Variants in CCN3 observed in about 807,000 individuals in gnomAD.
CCN3 encodes CCN family member 3.
A neutral mutation model predicts 33.4 loss-of-function variants in CCN3; 20 were observed. That is an observed-to-expected ratio of 0.60 (90% CI 0.42 to 0.87). CCN3 has a LOEUF of 0.87. Ranked by LOEUF, CCN3 falls within the 40% of genes least tolerant of loss-of-function variation. The probability of loss-of-function intolerance (pLI) is 0.00; values close to 1 mark genes in which losing one functional copy is unlikely to be tolerated. For synonymous variants in CCN3, 205 were observed against 170.4 expected, an observed-to-expected ratio of 1.20 and a Z score of -1.58; for missense variants, 465 against 455.3, an observed-to-expected ratio of 1.02 and a Z score of -0.19.
intron 3 of CCN3, 65 bp downstream of exon 3, chr8:119,418,374 C>T: frequency 6.4e-7 from 1 of 1,558,016 alleles, no homozygotes; most frequent in Non-Finnish European, 8.7e-7. Context: ...GAAGAATTTG[C>T]AATCTCTTGG....
chr8:119,423,647 C>T lies in CCN3; in HGVS notation c.*515C>T, dbSNP rs566178584. The T allele has an allele frequency of 9.5e-4, 146 of 153,184 alleles. No homozygotes were observed. Among genetic ancestry groups the T allele is most frequent in the Non-Finnish European group, 1.9e-3 (128 of 68,680 alleles). The allele number at this position is 153,184 out of a possible 1,614,324, so 9.5% of individuals were successfully genotyped here. ...CTTCCAAGCTCCAAATCCAAGGAAA[C>T]ATGCAGCTCTTCAACATGACATCCA... On this transcript the variant is annotated 3_prime_UTR_variant, in exon 5 of 5. Transcript: ENST00000259526.
At chr8:119,418,950 T>C (rs1820088456) in intron 3 of CCN3, among the ~76,000 whole-genome samples, 181 bp from the exon 4 acceptor site, 1 of 152,242 alleles carries the variant, frequency 6.6e-6, no homozygotes, top group Non-Finnish European at 1.5e-5. Context: ...AGGGCAGACA[T>C]TATCAGCCAT....
In CCN3 at chr8:119,418,306, G is replaced by A. The variant is rs764102541; in HGVS notation, c.559G>A (p.Ala187Thr). ...EEDSLGGLTL[A>T]AYRPEATLGV... ...GGATTCACTGGGAGGCCTTACCCTT[G>A]CAGGTGAGAAACTCAATATACCTAG... The change falls in exon 3 of 5, where the codon GCA becomes ACA. Residue 187 changes from alanine (A) to threonine (T), a missense_variant. Ala to Thr is a moderately conservative substitution (Grantham distance 58, BLOSUM62 0). Coordinates refer to ENST00000259526, the MANE Select transcript of CCN3 (RefSeq NM_002514.4). 1.2e-6 allele frequency: 2 copies of A among 1,613,968 alleles called. No homozygotes were observed. The highest frequency in any genetic ancestry group is 1.1e-5 in the South Asian group (1 of 91,060).
At chr8:119,420,148 C>T (rs1200849567) in intron 4 of CCN3, 1 of 152,166 alleles carries the variant, frequency 6.6e-6, no homozygotes, top group Admixed American at 6.5e-5. Flanking sequence ...ATTTACATAT[C>T]TTGACACTGA....
Position 119,423,118 on chromosome 8 carries a change from A to G in CCN3, c.1060A>G (p.Arg354Gly). The G allele has an allele frequency of 6.2e-7, 1 of 1,612,998 alleles. No individual in the cohort carries two copies. The highest frequency in any genetic ancestry group is 1.1e-5 in the South Asian group (1 of 91,042). Residue 354 changes from arginine to glycine, a missense_variant, in exon 5 of 5, where the codon AGA becomes GGA. Coordinates refer to ENST00000259526, the MANE Select transcript of CCN3 (RefSeq NM_002514.4). ...CCAGGAGCTGGAGCTGAAGACTACC[A>G]GAGGGAAAATGTAACCTGTCACTCA... ...FLQELELKTT[R>G]GKM
Position 119,423,767 on chromosome 8 carries a change from T to C in CCN3, c.*635T>C, listed in dbSNP as rs1820159206. 1 of 152,224 alleles carries C rather than the reference T, an allele frequency of 6.6e-6. No individual in the cohort carries two copies. Among genetic ancestry groups the C allele is most frequent in the Non-Finnish European group, 1.5e-5 (1 of 68,050 alleles). The allele number at this position is 152,224 out of a possible 1,614,324, so 9.4% of individuals were successfully genotyped here. On this transcript the variant is annotated 3_prime_UTR_variant, in exon 5 of 5. Coordinates refer to ENST00000259526, the MANE Select transcript of CCN3 (RefSeq NM_002514.4). ...TACTAAGTGGACTGGTGTCATAAAC[T>C]TTCTCCATTTAAGACACATTGACTC...
At chr8:119,420,157 G>A (rs1820103944) in intron 4 of CCN3, 1 of 152,130 alleles carries the variant, frequency 6.6e-6, no homozygotes, top group African/African-American at 2.4e-5. Context: ...TCTTGACACT[G>A]AAGCAATATC....
chr8:119,416,700 T>C (rs765187498), intron 1 of CCN3, 44 bp from the exon 2 acceptor site: 1 of 1,578,622 alleles, frequency 6.3e-7, no homozygotes. Context: ...CACTGCGTCT[T>C]CTGTCCCAGC....
chr8:119,422,176 G>C (rs959679404), intron 4 of CCN3, among the ~76,000 whole-genome samples: 4 of 151,948 alleles, frequency 2.6e-5, no homozygotes, highest in Non-Finnish European at 5.9e-5. Context: ...GAGAGAAAGA[G>C]AGAGAGAAAG....
At chr8:119,420,346 A>G (rs1201135933) in intron 4 of CCN3, among the ~76,000 whole-genome samples, 1 of 152,212 alleles carries the variant, frequency 6.6e-6, no homozygotes, top group Admixed American at 6.5e-5. Flanking sequence ...GATTACATAG[A>G]ATGAATTTGC....
chr8:119,422,191 A>AG (rs1820134427), intron 4 of CCN3, among the ~76,000 whole-genome samples: 3 of 151,520 alleles, frequency 2.0e-5, no homozygotes, highest in Non-Finnish European at 3.0e-5. Flanking sequence ...AGAAAGGCAG[A>AG]AAGAGAGAGA....
In CCN3 at chr8:119,422,937, G is replaced by C. The variant is rs751213322; in HGVS notation, c.879G>C (p.Gly293=). 6.2e-7 allele frequency: 1 copy of C among 1,614,030 alleles called. No individual in the cohort carries two copies. The highest frequency in any genetic ancestry group is 2.2e-5 in the East Asian group (1 of 44,872). ...SLHTYKPRFC[G]VCSDGRCCTP... ...ACACCTACAAGCCCAGGTTCTGTGGGGTCTGCAGTGATGGCCGCTGCTGCA... is the reference window on the plus strand; with the variant it reads ...ACACCTACAAGCCCAGGTTCTGTGGCGTCTGCAGTGATGGCCGCTGCTGCA... The change falls in exon 5 of 5, where the codon GGG becomes GGC. Residue 293 remains glycine (G), a synonymous_variant. Transcript: ENST00000259526.
chr8:119,416,716 G>A (rs754549604), intron 1 of CCN3, 28 bp from the exon 2 acceptor site: 40 of 1,576,862 alleles, frequency 2.5e-5, no homozygotes, highest in Non-Finnish European at 3.1e-5. Flanking sequence ...CCAGCTGAGT[G>A]GTTTCTCCTT....
At chr8:119,417,600 A>C (rs1820069134) in intron 2 of CCN3, among the ~76,000 whole-genome samples, 1 of 152,088 alleles carries the variant, frequency 6.6e-6, no homozygotes, top group Admixed American at 6.6e-5. Flanking sequence ...TTTTTTCTCT[A>C]AGCTACTGAT....
Position 119,423,156 on chromosome 8 carries a change from A to G in CCN3, c.*24A>G. ...AACCTGTCACTCAAGAAGCACACCT[A>G]CAGAGCACCTGTAGCTGCTGCGCCA... On this transcript the variant is annotated 3_prime_UTR_variant, in exon 5 of 5. Coordinates refer to ENST00000259526, the MANE Select transcript of CCN3 (RefSeq NM_002514.4). 1.3e-6 allele frequency: 2 copies of G among 1,597,624 alleles called. No individual in the cohort carries two copies. The highest frequency in any genetic ancestry group is 1.7e-6 in the Non-Finnish European group (2 of 1,168,528).
intron 4 of CCN3, among the ~76,000 whole-genome samples, 175 bp from the exon 5 acceptor site, chr8:119,422,661 G>C (rs1437597736): frequency 6.6e-6 from 1 of 152,186 alleles, no homozygotes; most frequent in Non-Finnish European, 1.5e-5. Context: ...CACATAGTCT[G>C]TGGAAGCAAA....
rs201148996 is a variant in CCN3, at chr8:119,418,288, C to G, written c.541C>G (p.Leu181Val). The G allele has an allele frequency of 2.6e-5, 42 of 1,613,996 alleles. No individual in the cohort carries two copies. Among genetic ancestry groups the G allele is most frequent in the Non-Finnish European group, 3.6e-5 (42 of 1,180,036 alleles). ...WICGPDEEDS[L>V]GGLTLAAYRP... ...CTGTGGCCCAGATGAGGAGGATTCA[C>G]TGGGAGGCCTTACCCTTGCAGGTGA... The change falls in exon 3 of 5, where the codon CTG becomes GTG. Residue 181 changes from leucine to valine, a missense_variant. By Grantham distance (32) the Leu-to-Val change is conservative. Coordinates refer to ENST00000259526, the MANE Select transcript of CCN3 (RefSeq NM_002514.4).
chr8:119,419,486 G>A, intron 4 of CCN3, 141 bp downstream of exon 4: 1 of 732,406 alleles, frequency 1.4e-6, no homozygotes, highest in Non-Finnish European at 2.2e-6. Context: ...AAGGCAGTGG[G>A]GTTCTTGAAG....
intron 4 of CCN3, among the ~76,000 whole-genome samples, chr8:119,421,009 T>C (rs981445067): frequency 1.4e-5 from 2 of 139,688 alleles, no homozygotes; most frequent in East Asian, 3.9e-4. Flanking sequence ...AAGACAGTGG[T>C]TCTTTTTTTT....
Sources: allele counts gnomAD v4.1 joint callset (sites outside exome capture counted in the v4.1 genomes callset), GRCh38; gene constraint gnomAD v4.1.1; transcripts MANE v1.5; gene names NCBI Gene and HGNC (gene_info 2026-07-23, HGNC 2026-07-21).